Variants in TSPAN5 observed in about 807,000 individuals in gnomAD.
The protein encoded by TSPAN5 is tetraspanin 5, also known as tetraspanin-5.
TSPAN5 carries 10 observed loss-of-function variants against 37.1 expected under a neutral mutation model. The ratio of observed to expected loss-of-function variants is 0.27; its 90% CI spans 0.17 to 0.46. The LOEUF (loss-of-function observed/expected upper bound fraction) is 0.46, where lower values mean the gene tolerates loss of function less well. TSPAN5 is among the 20% of genes least tolerant of loss of function. The pLI is 1.00. For missense variants in TSPAN5, 195 were observed against 326.6 expected, an observed-to-expected ratio of 0.60 and a Z score of 3.11; for synonymous variants, 110 against 118.9, an observed-to-expected ratio of 0.93 and a Z score of 0.48.
intron 2 of TSPAN5, among the ~76,000 whole-genome samples, 192 bp from the exon 3 acceptor site, chr4:98,487,076 G>C (rs1350286708): frequency 7.7e-6 from 1 of 130,384 alleles, no homozygotes; most frequent in Non-Finnish European, 1.6e-5. Flanking sequence ...GAAAGAGTGA[G>C]AAAGAAAGAG....
At chr4:98,518,321 A>G (rs971875699) in intron 1 of TSPAN5, among the ~76,000 whole-genome samples, 3 of 152,360 alleles carry the variant, frequency 2.0e-5, no homozygotes, top group South Asian at 2.1e-4. Context: ...TCTTCAGTAT[A>G]TACCAGCCAC....
At chr4:98,605,753 T>C (rs1756019587) in intron 1 of TSPAN5, among the ~76,000 whole-genome samples, 1 of 152,228 alleles carries the variant, frequency 6.6e-6, no homozygotes, top group Non-Finnish European at 1.5e-5. Flanking sequence ...GGTGTACATG[T>C]GGCTATTTAA....
chr4:98,482,404 A>C, intron 3 of TSPAN5: 1 of 369,350 alleles, frequency 2.7e-6, no homozygotes, highest in Non-Finnish European at 4.8e-6. Context: ...GTTCCATTTG[A>C]TAATTAACCA....
intron 1 of TSPAN5, among the ~76,000 whole-genome samples, chr4:98,561,725 T>C (rs896243438): frequency 2.6e-5 from 4 of 152,214 alleles, no homozygotes; most frequent in African/African-American, 9.7e-5. Flanking sequence ...TGCTTTTCAT[T>C]CAATAAACAT....
intron 1 of TSPAN5, among the ~76,000 whole-genome samples, chr4:98,529,367 A>G (rs1439014037): frequency 6.6e-6 from 1 of 152,244 alleles, no homozygotes; most frequent in African/African-American, 2.4e-5. Context: ...AAATGATTAC[A>G]ACTGCTTCTA....
chr4:98,553,614 G>T (rs1754669092), intron 1 of TSPAN5, among the ~76,000 whole-genome samples: 1 of 152,134 alleles, frequency 6.6e-6, no homozygotes, highest in African/African-American at 2.4e-5. Context: ...CCTTTAAATG[G>T]TAAGGTACGC....
chr4:98,515,806 A>G (rs1753715295), intron 1 of TSPAN5, among the ~76,000 whole-genome samples: 2 of 152,060 alleles, frequency 1.3e-5, no homozygotes, highest in African/African-American at 4.8e-5. Context: ...ACAAACTAAC[A>G]CACTCTAGTC....
At chr4:98,490,207 C>A (rs1304801067) in intron 2 of TSPAN5, among the ~76,000 whole-genome samples, 2 of 152,128 alleles carry the variant, frequency 1.3e-5, no homozygotes, top group African/African-American at 2.4e-5. Context: ...ATAAAGAGCT[C>A]AGTGGGTAAC....
At chr4:98,558,044 G>A (rs555751405) in intron 1 of TSPAN5, among the ~76,000 whole-genome samples, 1 of 152,286 alleles carries the variant, frequency 6.6e-6, no homozygotes, top group East Asian at 1.9e-4. Context: ...AAGGAAGTCT[G>A]AATAAGGTAC....
At chr4:98,564,949 A>G (rs1195793976) in intron 1 of TSPAN5, among the ~76,000 whole-genome samples, 1 of 152,224 alleles carries the variant, frequency 6.6e-6, no homozygotes. Context: ...AGCACCTTTC[A>G]GCAACTGAAG....
At chr4:98,604,740 G>C (rs1426138326) in intron 1 of TSPAN5, among the ~76,000 whole-genome samples, 1 of 152,170 alleles carries the variant, frequency 6.6e-6, no homozygotes, top group African/African-American at 2.4e-5. Flanking sequence ...CAAAAAGAGG[G>C]AGAGAGAAAA....
rs768716743 is a variant in TSPAN5, at chr4:98,486,776, T to C, written c.241A>G (p.Ile81Val). Residue 81 changes from isoleucine to valine, a missense_variant, in exon 3 of 8, where the codon ATT becomes GTT. By Grantham distance (29) the Ile-to-Val change is conservative. Coordinates refer to ENST00000305798, the MANE Select transcript of TSPAN5 (RefSeq NM_005723.4). ...VMFILGFAGCIGALRENTFLL... is the reference protein window; with the variant it reads ...VMFILGFAGCVGALRENTFLL... ...AAAGTGTTTTCCCGTAGCGCTCCAA[T>C]GCACCCTGCAAATCCCAAAATGAAC... is the stretch of plus-strand genomic sequence containing the variant. 1.2e-6 allele frequency: 2 copies of C among 1,614,038 alleles called. No homozygotes were observed. The highest frequency in any genetic ancestry group is 1.7e-6 in the Non-Finnish European group (2 of 1,180,026).
At chr4:98,626,037 A>G (rs1222249966) in intron 1 of TSPAN5, among the ~76,000 whole-genome samples, 1 of 152,222 alleles carries the variant, frequency 6.6e-6, no homozygotes, top group Non-Finnish European at 1.5e-5. Flanking sequence ...ACTTGTTACT[A>G]TATTTATCAA....
intron 1 of TSPAN5, among the ~76,000 whole-genome samples, chr4:98,539,874 C>T (rs993854625): frequency 2.6e-5 from 4 of 152,080 alleles, no homozygotes; most frequent in Non-Finnish European, 5.9e-5. Flanking sequence ...CTCTCTAGTG[C>T]GTGTTCTCTC....
At chr4:98,491,574 G>C (rs944059827) in intron 2 of TSPAN5, among the ~76,000 whole-genome samples, 1 of 151,936 alleles carries the variant, frequency 6.6e-6, no homozygotes, top group South Asian at 2.1e-4. Context: ...TGTAATCCCA[G>C]CTACTCGAGA....
intron 1 of TSPAN5, among the ~76,000 whole-genome samples, chr4:98,610,840 C>A (rs1002017122): frequency 3.9e-5 from 6 of 152,116 alleles, no homozygotes; most frequent in African/African-American, 1.4e-4. Flanking sequence ...GGCATCCTCC[C>A]CGCTACTCTT....
chr4:98,508,659 G>A (rs776623781), intron 1 of TSPAN5, among the ~76,000 whole-genome samples: 1 of 151,590 alleles, frequency 6.6e-6, no homozygotes, highest in Non-Finnish European at 1.5e-5. Context: ...CAAGTAGCTG[G>A]GACCATAGGC....
intron 2 of TSPAN5, among the ~76,000 whole-genome samples, chr4:98,491,729 G>C (rs1753091825): frequency 1.3e-5 from 2 of 151,532 alleles, no homozygotes; most frequent in South Asian, 4.2e-4. Context: ...CCTGACAACA[G>C]TGATTTGGAT....
intron 1 of TSPAN5, among the ~76,000 whole-genome samples, chr4:98,643,116 G>A (rs928741278): frequency 1.3e-5 from 2 of 152,100 alleles, no homozygotes; most frequent in Non-Finnish European, 2.9e-5. Context: ...AGCTCCATTC[G>A]TGGTAAGTGC....
Sources: allele counts gnomAD v4.1 joint callset (sites outside exome capture counted in the v4.1 genomes callset), GRCh38; gene constraint gnomAD v4.1.1; transcripts MANE v1.5; gene names NCBI Gene and HGNC (gene_info 2026-07-23, HGNC 2026-07-21).